ANKS1B: variants seen among roughly 807,000 people sequenced by gnomAD.
ANKS1B encodes the protein ankyrin repeat and sterile alpha motif domain-containing protein 1B.
In ANKS1B, 36 loss-of-function variants were observed where a neutral mutation model predicts 148.3. That is an observed-to-expected ratio of 0.24 (90% CI 0.19 to 0.32). The LOEUF is 0.32. Ranked by LOEUF, ANKS1B falls within the 10% of genes least tolerant of loss-of-function variation. The probability of loss-of-function intolerance (pLI) is 1.00; values close to 1 mark genes in which losing one functional copy is unlikely to be tolerated. For missense variants in ANKS1B, 1,157 were observed against 1,542.6 expected (o/e 0.75, Z 4.19); for synonymous variants, 542 against 560.8 (o/e 0.97, Z 0.47).
intron 17 of ANKS1B, among the ~76,000 whole-genome samples, chr12:98,886,606 C>A (rs77088482): frequency 2.0e-5 from 3 of 152,104 alleles, no homozygotes; most frequent in African/African-American, 7.2e-5. Flanking sequence ...CTAAATAACA[C>A]ATCATATTGT....
At chr12:99,384,553 G>C (rs909982765) in intron 12 of ANKS1B, among the ~76,000 whole-genome samples, 17 of 152,036 alleles carry the variant, frequency 1.1e-4, no homozygotes, top group African/African-American at 4.1e-4. Flanking sequence ...GACTTAAGTA[G>C]GAATTTCTGT....
intron 11 of ANKS1B, among the ~76,000 whole-genome samples, chr12:99,441,917 A>G (rs544470150): frequency 6.6e-6 from 1 of 152,074 alleles, no homozygotes; most frequent in Non-Finnish European, 1.5e-5. Context: ...ATAGAAAAGA[A>G]TCTGTTTTTC....
At chr12:99,949,834 C>T (rs1603483499) in intron 1 of ANKS1B, among the ~76,000 whole-genome samples, 2 of 152,262 alleles carry the variant, frequency 1.3e-5, no homozygotes, top group South Asian at 4.1e-4. Flanking sequence ...TTAATGGCTG[C>T]TTTCACCCTA....
intron 1 of ANKS1B, among the ~76,000 whole-genome samples, chr12:99,913,314 T>C (rs1391377379): frequency 6.6e-6 from 1 of 152,164 alleles, no homozygotes; most frequent in Non-Finnish European, 1.5e-5. Flanking sequence ...CAAACAGAAG[T>C]AGAAACAGCA....
At chr12:99,097,421 G>A (rs1054875643) in intron 15 of ANKS1B, 1 of 151,874 alleles carries the variant, frequency 6.6e-6, no homozygotes, top group African/African-American at 2.4e-5. Context: ...ATCCCATATG[G>A]CTCGAAAATA....
chr12:99,699,080 T>C (rs1014446337), intron 8 of ANKS1B, among the ~76,000 whole-genome samples: 2 of 152,180 alleles, frequency 1.3e-5, no homozygotes, highest in East Asian at 1.9e-4. Flanking sequence ...TCATTCAGAT[T>C]CATTCAATGA....
chr12:99,128,091 A>T (rs1017973261), intron 15 of ANKS1B, among the ~76,000 whole-genome samples: 2 of 152,190 alleles, frequency 1.3e-5, no homozygotes, highest in Admixed American at 6.5e-5. Flanking sequence ...AAATACTTAT[A>T]ATCGTTTCAA....
At chr12:99,894,289 A>AGAATCGCTTGAACCCAGG (rs2093275022) in intron 1 of ANKS1B, among the ~76,000 whole-genome samples, 1 of 45,828 alleles carries the variant, frequency 2.2e-5, no homozygotes, top group South Asian at 8.8e-4. Flanking sequence ...GGAAGGAAGG[A>AGAATCGCTTGAACCCAGG]AGGGAGGGAG....
At chr12:99,758,698 T>C (rs2061796965) in intron 8 of ANKS1B, among the ~76,000 whole-genome samples, 1 of 151,950 alleles carries the variant, frequency 6.6e-6, no homozygotes. Flanking sequence ...ACAAGTCTTT[T>C]GAACTCAAAT....
intron 1 of ANKS1B, among the ~76,000 whole-genome samples, chr12:99,982,978 A>T (rs1285922300): frequency 6.6e-6 from 1 of 152,226 alleles, no homozygotes; most frequent in Non-Finnish European, 1.5e-5. Context: ...ACTTGTGTAA[A>T]GAACGCAATG....
intron 8 of ANKS1B, among the ~76,000 whole-genome samples, chr12:99,674,074 C>A (rs1039143316): frequency 4.0e-5 from 6 of 151,418 alleles, no homozygotes; most frequent in Non-Finnish European, 8.9e-5. Context: ...AACGTTGGTG[C>A]CCTAGGGAAA....
intron 10 of ANKS1B, among the ~76,000 whole-genome samples, chr12:99,456,797 A>G (rs948441905): frequency 6.6e-6 from 1 of 152,170 alleles, no homozygotes; most frequent in African/African-American, 2.4e-5. Context: ...ACCTAAAACT[A>G]ATTGATGTTC....
chr12:99,809,658 A>G (rs1162109704), intron 3 of ANKS1B, among the ~76,000 whole-genome samples: 1 of 152,014 alleles, frequency 6.6e-6, no homozygotes, highest in Non-Finnish European at 1.5e-5. Flanking sequence ...TTCCCTATAA[A>G]CCTTATAATA....
intron 9 of ANKS1B, among the ~76,000 whole-genome samples, chr12:99,594,064 C>T (rs2153265241): frequency 6.6e-6 from 1 of 152,044 alleles, no homozygotes; most frequent in East Asian, 1.9e-4. Context: ...GTTATTTAAA[C>T]TCTCTAAATC....
At chr12:99,558,119 A>G (rs2097296531) in intron 9 of ANKS1B, among the ~76,000 whole-genome samples, 1 of 152,134 alleles carries the variant, frequency 6.6e-6, no homozygotes. Flanking sequence ...AATGGCAGAG[A>G]TCTGTGCTCA....
At chr12:99,273,557 C>CT (rs745470936) in intron 12 of ANKS1B, among the ~76,000 whole-genome samples, 2,439 of 111,056 alleles carry the variant, frequency 0.022, 66 homozygotes, top group African/African-American at 0.07. Context: ...TTATCAGATT[C>CT]TTTTTTTTTT....
At chr12:99,439,966 T>C (rs1223825935) in intron 11 of ANKS1B, among the ~76,000 whole-genome samples, 1 of 151,716 alleles carries the variant, frequency 6.6e-6, no homozygotes, top group East Asian at 1.9e-4. Flanking sequence ...CCACTTACCA[T>C]GAAAGAAACA....
chr12:99,253,052 C>T (rs2074819012), intron 12 of ANKS1B, among the ~76,000 whole-genome samples: 1 of 152,012 alleles, frequency 6.6e-6, no homozygotes. Flanking sequence ...AGCAAGACCT[C>T]ATCTGTACAA....
At chr12:98,949,170 T>C (rs1597428300) in intron 17 of ANKS1B, among the ~76,000 whole-genome samples, 1 of 151,940 alleles carries the variant, frequency 6.6e-6, no homozygotes, top group African/African-American at 2.4e-5. Flanking sequence ...GCCAGGACGG[T>C]CTCGATCTCC....
Sources: gnomAD v4.1 joint callset for allele counts (sites outside exome capture counted in the v4.1 genomes callset) on GRCh38, gnomAD v4.1.1 for gene constraint, MANE v1.5 for transcripts, NCBI Gene and HGNC (gene_info 2026-07-23, HGNC 2026-07-21) for gene names.